ZNF215: variants seen among roughly 807,000 people sequenced by gnomAD.
ZNF215 encodes zinc finger protein 215.
In ZNF215, 24 loss-of-function variants were observed where a neutral mutation model predicts 27.2. That is an observed-to-expected ratio of 0.88 (90% confidence interval 0.64 to 1.24). The LOEUF is 1.24. Ranked by LOEUF, ZNF215 falls within the 50% of genes most tolerant of loss-of-function variation. The pLI is 0.00. For missense variants in ZNF215, 675 were observed against 605.7 expected (o/e 1.11, Z -1.20); for synonymous variants, 210 against 204.0 (o/e 1.03, Z -0.25).
chr11:6,941,470 A>G (rs1849628670), intron 3 of ZNF215, 101 bp from the exon 4 acceptor site: 2 of 1,016,500 alleles, frequency 2.0e-6, no homozygotes, highest in Non-Finnish European at 2.9e-6. Flanking sequence ...TCAAAGTTCT[A>G]TGGATAATTC....
At chr11:6,983,639 A>G (rs1022227761) in intron 5 of ZNF215, among the ~76,000 whole-genome samples, 1 of 152,222 alleles carries the variant, frequency 6.6e-6, no homozygotes, top group Non-Finnish European at 1.5e-5. Context: ...ACATAGATAT[A>G]TCTTGTTAAA....
chr11:6,931,835 G>T (rs1849275053), intron 2 of ZNF215, among the ~76,000 whole-genome samples: 1 of 152,092 alleles, frequency 6.6e-6, no homozygotes, highest in Admixed American at 6.5e-5. Context: ...AAATCTAATT[G>T]TAATTCAATT....
At chr11:6,958,638 G>T (rs1279996763), downstream of ZNF215, among the ~76,000 whole-genome samples, 1 of 152,130 alleles carries the variant, frequency 6.6e-6, no homozygotes, top group Non-Finnish European at 1.5e-5. Context: ...GTTTATTAAG[G>T]AGTATTGATT....
chr11:6,931,784 T>C (rs529782533), intron 2 of ZNF215, among the ~76,000 whole-genome samples: 1 of 152,344 alleles, frequency 6.6e-6, no homozygotes, highest in South Asian at 2.1e-4. Flanking sequence ...TTTGTGTTGC[T>C]TAATTTTAAG....
At chr11:6,983,086 A>G (rs1365031004) in intron 5 of ZNF215, among the ~76,000 whole-genome samples, 2 of 152,146 alleles carry the variant, frequency 1.3e-5, no homozygotes, top group African/African-American at 4.8e-5. Context: ...ATCACCACCG[A>G]TTCCACAGAA....
In ZNF215 at chr11:6,926,554, T is replaced by A. The variant is rs1849046583; in HGVS notation, c.-457T>A. Reference sequence around the variant, plus strand: ...GTCGAGGTTGTTCCGCGGCAATTTATGAAACTCGGAGCCGGCAGTGAGTTG... The same window carrying A: ...GTCGAGGTTGTTCCGCGGCAATTTAAGAAACTCGGAGCCGGCAGTGAGTTG... On this transcript the variant is annotated 5_prime_UTR_variant, in exon 1 of 7. An upstream start codon of the reference 5' UTR is lost. Coordinates refer to ENST00000278319, the MANE Select transcript of ZNF215 (RefSeq NM_013250.4). 6.6e-6 allele frequency: 1 copy of A among 152,298 alleles called. No homozygotes were observed. The highest frequency in any genetic ancestry group is 1.9e-4 in the East Asian group (1 of 5,184). 9.4% of individuals were successfully genotyped at this position (152,298 alleles called of 1,614,324 possible).
At chr11:6,952,062 C>T (rs1210632433) in intron 6 of ZNF215, among the ~76,000 whole-genome samples, 1 of 152,098 alleles carries the variant, frequency 6.6e-6, no homozygotes, top group Non-Finnish European at 1.5e-5. Context: ...GTTTCTTAAC[C>T]CTGAGTTCTA....
In ZNF215 at chr11:6,932,611, A is replaced by G; in HGVS notation, c.339A>G (p.Pro113=). 1 of 1,614,192 alleles carries G rather than the reference A, an allele frequency of 6.2e-7. No individual in the cohort carries two copies. The highest frequency in any genetic ancestry group is 1.1e-5 in the South Asian group (1 of 91,078). ...EVRTWVNLQH[P]NNSKDMVTLI... is the part of the protein sequence containing the mutation. The stretch of plus-strand genomic sequence containing the variant: ...GGACTTGGGTGAATTTACAACATCC[A>G]AACAACAGTAAAGATATGGTGACCC... Residue 113 remains proline (P), a synonymous_variant, in exon 3 of 7, where the codon CCA becomes CCG. Coordinates refer to ENST00000278319, the MANE Select transcript of ZNF215 (RefSeq NM_013250.4).
At chr11:6,969,704 GA>G (rs1850685714) in intron 5 of ZNF215, among the ~76,000 whole-genome samples, 1 of 151,966 alleles carries the variant, frequency 6.6e-6, no homozygotes, top group Non-Finnish European at 1.5e-5. Context: ...TATATCCTAA[GA>G]AAAAAAATTG....
chr11:6,929,701 C>T lies in ZNF215; in HGVS notation c.-180+1894C>T, dbSNP rs1225650082. ...GCTACATACTGCCAACATGACTTAT[C>T]GCTATTAATGTTAATCTTGATCACC... On this transcript the variant is annotated intron_variant, in intron 2 of 6. Transcript: ENST00000278319. 9.2e-5 allele frequency among the ~76,000 whole-genome samples: 14 copies of T among 152,120 alleles called. No individual in the cohort carries two copies. The East Asian group carries it at 1.5e-3, about 17-fold the overall frequency.
intron 5 of ZNF215, among the ~76,000 whole-genome samples, chr11:6,973,143 A>G (rs1364668664): frequency 5.3e-5 from 8 of 151,886 alleles, no homozygotes; most frequent in Non-Finnish European, 4.4e-5. Flanking sequence ...GAGAACATGC[A>G]GTGTTTGGTT....
chr11:6,971,459 T>A (rs565136155), intron 5 of ZNF215, among the ~76,000 whole-genome samples: 1 of 152,262 alleles, frequency 6.6e-6, no homozygotes, highest in East Asian at 1.9e-4. Flanking sequence ...AAGACAGCAA[T>A]AAATTTTTCT....
intron 6 of ZNF215, among the ~76,000 whole-genome samples, chr11:6,954,890 A>T (rs779612026): frequency 7.2e-5 from 11 of 152,152 alleles, no homozygotes; most frequent in Non-Finnish European, 1.6e-4. Context: ...CCATATATGA[A>T]ATTTAATTTT....
At chr11:6,964,962 C>G (rs1192252332) in intron 5 of ZNF215, among the ~76,000 whole-genome samples, 1 of 152,004 alleles carries the variant, frequency 6.6e-6, no homozygotes, top group Non-Finnish European at 1.5e-5. Flanking sequence ...GTTTTACATG[C>G]ATTACATCAT....
downstream of ZNF215, among the ~76,000 whole-genome samples, chr11:6,989,828 G>A (rs764841294): frequency 1.4e-4 from 22 of 152,082 alleles, no homozygotes; most frequent in Admixed American, 1.2e-3. Context: ...CAATTCCCAT[G>A]GACCCTCAGG....
At position 6,955,838 on chromosome 11, in the gene ZNF215, G is replaced by A. The variant is rs745666123; in HGVS notation, c.861G>A (p.Glu287=). Residue 287 remains glutamate (E), a synonymous_variant, in exon 7 of 7, where the codon GAG becomes GAA. Coordinates refer to ENST00000278319, the MANE Select transcript of ZNF215 (RefSeq NM_013250.4). The part of the protein sequence containing the change: ...QKKWDINLPQ[E]AFIPETIYTE... ...AATGGGACATAAATTTGCCACAAGA[G>A]GCTTTCATTCCTGAGACAATTTACA... is the stretch of plus-strand genomic sequence containing the variant. The A allele has an allele frequency of 3.1e-6, 5 of 1,613,532 alleles. No individual in the cohort carries two copies. The Admixed American group carries it at 6.7e-5, about 22-fold the overall frequency.
downstream of ZNF215, among the ~76,000 whole-genome samples, chr11:6,960,858 T>C (rs754584341): frequency 5.9e-5 from 9 of 152,170 alleles, no homozygotes; most frequent in Non-Finnish European, 1.2e-4. Context: ...TTTAAATCTT[T>C]GGTGAAGAGA....
downstream of ZNF215, among the ~76,000 whole-genome samples, chr11:6,993,213 T>G (rs1382365778): frequency 6.6e-6 from 1 of 152,184 alleles, no homozygotes; most frequent in Non-Finnish European, 1.5e-5. Flanking sequence ...GAGGACACCC[T>G]ACTCTGTATC....
downstream of ZNF215, among the ~76,000 whole-genome samples, chr11:6,991,536 C>T (rs1035369791): frequency 6.6e-6 from 1 of 152,246 alleles, no homozygotes; most frequent in Admixed American, 6.5e-5. Context: ...CACCCCTACA[C>T]ACCCGCAACT....
Sources: gnomAD v4.1 joint callset for allele counts (sites outside exome capture counted in the v4.1 genomes callset) on GRCh38, gnomAD v4.1.1 for gene constraint, MANE v1.5 for transcripts, NCBI Gene and HGNC (gene_info 2026-07-23, HGNC 2026-07-21) for gene names.